Variants in EPM2A observed in about 807,000 individuals in gnomAD.
EPM2A encodes the protein laforin.
EPM2A carries 21 observed loss-of-function variants against 26.5 expected under a neutral mutation model. That is an observed-to-expected ratio of 0.79 (90% CI 0.56 to 1.14). The LOEUF is 1.14. Among genes scored for constraint, EPM2A ranks in the 50% most tolerant of loss-of-function variants. EPM2A has a pLI of 0.00. For synonymous variants in EPM2A, 217 were observed against 177.6 expected (o/e 1.22, Z -1.76); for missense variants, 458 against 440.8 (o/e 1.04, Z -0.35).
chr6:145,517,137 G>A (rs1397720205), intron 2 of EPM2A, among the ~76,000 whole-genome samples: 1 of 152,170 alleles, frequency 6.6e-6, no homozygotes, highest in East Asian at 1.9e-4. Context: ...ATACAAGGTA[G>A]CTAAAATAGT....
Position 145,635,296 on chromosome 6 carries a change from C to T in EPM2A, c.667G>A (p.Glu223Lys). Reference protein sequence around the residue: ...TPDTMIKLYREEGLAYIWMPT... With the variant: ...TPDTMIKLYRKEGLAYIWMPT... ...ATCCAGATGTAGGCCAAGCCTTCTT[C>T]CCTATATAGTTTAATCATAGTGTCT... The change falls in exon 3 of 4, where the codon GAA (glutamate) becomes AAA (lysine). Residue 223 changes from glutamate (E) to lysine (K), a missense_variant. Glu to Lys is a moderately conservative substitution (Grantham distance 56). Coordinates refer to ENST00000367519, the MANE Select transcript of EPM2A (RefSeq NM_005670.4). The T allele has an allele frequency of 6.2e-7, 1 of 1,614,158 alleles. No homozygotes were observed. Among genetic ancestry groups the T allele is most frequent in the Non-Finnish European group, 8.5e-7 (1 of 1,180,010 alleles).
chr6:145,537,133 T>A (rs1582833853), intron 2 of EPM2A, among the ~76,000 whole-genome samples: 1 of 152,354 alleles, frequency 6.6e-6, no homozygotes, highest in African/African-American at 2.4e-5. Context: ...TTGTTTGGCA[T>A]CCTGGATTGT....
chr6:145,591,735 GA>G (rs1781275788), intron 2 of EPM2A, among the ~76,000 whole-genome samples: 1 of 151,896 alleles, frequency 6.6e-6, no homozygotes, highest in Non-Finnish European at 1.5e-5. Flanking sequence ...CAGAAATTCA[GA>G]TCTATATAAA....
chr6:145,511,818 A>T (rs1325178423), intron 2 of EPM2A, among the ~76,000 whole-genome samples: 1 of 152,202 alleles, frequency 6.6e-6, no homozygotes, highest in Non-Finnish European at 1.5e-5. Flanking sequence ...GAGGAAGTCA[A>T]ATTATTATTG....
At chr6:145,546,321 G>T (rs1439704671) in intron 2 of EPM2A, among the ~76,000 whole-genome samples, 3 of 152,066 alleles carry the variant, frequency 2.0e-5, no homozygotes, top group East Asian at 1.9e-4. Flanking sequence ...ACCCAGCTTT[G>T]GGGGAGAGAG....
At chr6:145,514,117 A>G (rs1780092918) in intron 2 of EPM2A, among the ~76,000 whole-genome samples, 1 of 152,202 alleles carries the variant, frequency 6.6e-6, no homozygotes, top group Admixed American at 6.5e-5. Context: ...TTCCAGGATT[A>G]GTCACATGGT....
chr6:145,436,254 A>T (rs186212490), intron 4 of EPM2A, among the ~76,000 whole-genome samples: 4 of 152,292 alleles, frequency 2.6e-5, no homozygotes, highest in Admixed American at 2.6e-4. Flanking sequence ...CAGTTAATGG[A>T]TATTTGGGTT....
rs78779070 is a variant in EPM2A at position 145,421,123 on chromosome 6, C to A, written c.556-37026G>T. 3.1e-3 allele frequency among the ~76,000 whole-genome samples: 472 copies of A among 152,250 alleles called. 10 individuals carry two copies. In the East Asian group the frequency reaches 0.054, roughly 17 times the overall value. On this transcript the variant is annotated intron_variant, in intron 4 of 4. Transcript: ENST00000638717. ...AAGCTGGGGTAACACTGGATGACTG[C>A]ACAGTGGTAACACTAACTGTTTTTG...
At chr6:145,471,617 C>T (rs753302511) in intron 4 of EPM2A, among the ~76,000 whole-genome samples, 8 of 152,172 alleles carry the variant, frequency 5.3e-5, no homozygotes, top group Non-Finnish European at 7.4e-5. Flanking sequence ...TGGGCATTGG[C>T]GGAGAACACA....
chr6:145,543,830 GA>G (rs2114797220), intron 2 of EPM2A, among the ~76,000 whole-genome samples: 1 of 152,228 alleles, frequency 6.6e-6, no homozygotes, highest in Admixed American at 6.5e-5. Flanking sequence ...ACTGTGAAAG[GA>G]AAAAGATGGA....
intron 2 of EPM2A, chr6:145,640,954 T>G (rs1438909545): frequency 6.6e-6 from 1 of 152,204 alleles, no homozygotes; most frequent in African/African-American, 2.4e-5. Context: ...CTAATTAGCT[T>G]CTTTATTAAA....
chr6:145,611,914 T>C (rs1324073293), intron 2 of EPM2A, among the ~76,000 whole-genome samples: 4 of 152,274 alleles, frequency 2.6e-5, no homozygotes, highest in South Asian at 2.1e-4. Flanking sequence ...AGGGAAACCA[T>C]GTTGATGGCT....
chr6:145,533,308 A>G (rs1032549998), intron 2 of EPM2A, among the ~76,000 whole-genome samples: 1 of 151,934 alleles, frequency 6.6e-6, no homozygotes, highest in Non-Finnish European at 1.5e-5. Context: ...GCCATCTTTC[A>G]CCTAGACTCC....
intron 4 of EPM2A, among the ~76,000 whole-genome samples, chr6:145,386,251 T>G (rs936525364): frequency 1.3e-5 from 2 of 152,146 alleles, no homozygotes; most frequent in African/African-American, 4.8e-5. Flanking sequence ...TGGAAAGATA[T>G]GTTAAACAAA....
At chr6:145,577,706 A>C (rs1453972416) in intron 2 of EPM2A, among the ~76,000 whole-genome samples, 2 of 152,096 alleles carry the variant, frequency 1.3e-5, no homozygotes, top group African/African-American at 4.8e-5. Context: ...TGGACCTAAA[A>C]GACATTTACA....
intron 4 of EPM2A, among the ~76,000 whole-genome samples, chr6:145,465,089 C>T (rs569347579): frequency 6.6e-6 from 1 of 152,004 alleles, no homozygotes; most frequent in Admixed American, 6.6e-5. Flanking sequence ...TGGTTCCATT[C>T]TCCCCGTCAC....
At chr6:145,633,039 G>T (rs1776382819) in intron 3 of EPM2A, among the ~76,000 whole-genome samples, 1 of 152,186 alleles carries the variant, frequency 6.6e-6, no homozygotes. Context: ...CGCAAAAAAG[G>T]TTCGTGAACA....
chr6:145,677,361 G>C (rs1423451972), intron 2 of EPM2A, among the ~76,000 whole-genome samples: 2 of 152,160 alleles, frequency 1.3e-5, no homozygotes, highest in Non-Finnish European at 2.9e-5. Flanking sequence ...CATTCCTTTT[G>C]AAAACCGGCA....
chr6:145,400,343 A>C (rs1415870031), intron 4 of EPM2A, among the ~76,000 whole-genome samples: 1 of 152,184 alleles, frequency 6.6e-6, no homozygotes, highest in Non-Finnish European at 1.5e-5. Flanking sequence ...AACTGATGAC[A>C]CAGAAGGTCA....
Sources: gnomAD v4.1 joint callset for allele counts (sites outside exome capture counted in the v4.1 genomes callset) on GRCh38, gnomAD v4.1.1 for gene constraint, MANE v1.5 for transcripts, NCBI Gene and HGNC (gene_info 2026-07-23, HGNC 2026-07-21) for gene names.